RGPD4: variants seen among roughly 807,000 people sequenced by gnomAD.
The protein encoded by RGPD4 is RANBP2 like and GRIP domain containing 4.
In RGPD4, 84 loss-of-function variants were observed where a neutral mutation model predicts 141.1. That is an observed-to-expected ratio of 0.60 (90% CI 0.50 to 0.71). RGPD4 has a LOEUF of 0.71. RGPD4 is among the 30% of genes least tolerant of loss of function. The pLI, the probability that RGPD4 is intolerant of heterozygous loss-of-function variation, is 0.00. For synonymous variants in RGPD4, 298 were observed against 566.8 expected, an observed-to-expected ratio of 0.53 and a Z score of 6.74; for missense variants, 918 against 1,622.4, an observed-to-expected ratio of 0.57 and a Z score of 7.46.
chr2:107,877,097 G>C (rs1332328373), intron 20 of RGPD4, among the ~76,000 whole-genome samples: 1 of 151,868 alleles, frequency 6.6e-6, no homozygotes, highest in Non-Finnish European at 1.5e-5. Flanking sequence ...GTTTAGACCA[G>C]GTGTGGTGTC....
In RGPD4 at chr2:107,845,373, G is replaced by T. The variant is rs1470526662; in HGVS notation, c.782+1643G>T. 8.0e-5 allele frequency among the ~76,000 whole-genome samples: 12 copies of T among 150,062 alleles called. No individual in the cohort carries two copies. The South Asian group carries it at 2.3e-3, about 29-fold the overall frequency. On this transcript the variant is annotated intron_variant, in intron 6 of 22. Coordinates refer to ENST00000408999, the MANE Select transcript of RGPD4 (RefSeq NM_182588.3). ...ATAAGAGCTTATCCTCCTGCCTCAG[G>T]TTGTTCCCCACCAGGAAGCCCCAGG...
At chr2:107,844,823 C>CTTTCTTTTTTTTTTTTTTTTTTT (rs1681859004) in intron 6 of RGPD4, among the ~76,000 whole-genome samples, 1 of 53,854 alleles carries the variant, frequency 1.9e-5, no homozygotes, top group Non-Finnish European at 4.1e-5. Context: ...TTCTTTCTTT[C>CTTTCTTTTTTTTTTTTTTTTTTT]TTTTTTGTTT....
intron 6 of RGPD4, among the ~76,000 whole-genome samples, chr2:107,847,854 A>G (rs954802876): frequency 7.1e-4 from 82 of 115,340 alleles, no homozygotes; most frequent in Non-Finnish European, 8.6e-4. Flanking sequence ...AAGACAATTT[A>G]TTTAATGCTG....
intron 6 of RGPD4, among the ~76,000 whole-genome samples, chr2:107,844,823 C>CTT (rs1681859511): frequency 1.7e-4 from 9 of 53,824 alleles, no homozygotes; most frequent in African/African-American, 4.1e-4. Flanking sequence ...TTCTTTCTTT[C>CTT]TTTTTTGTTT....
chr2:107,861,600 C>T lies in RGPD4; in HGVS notation c.2065C>T (p.His689Tyr). 1 of 1,610,624 alleles carries T rather than the reference C, an allele frequency of 6.2e-7. No individual in the cohort carries two copies. The highest frequency in any genetic ancestry group is 8.5e-7 in the Non-Finnish European group (1 of 1,179,550). ...VSYWNLALIFHRKAEDIANDA... is the reference protein window; with the variant it reads ...VSYWNLALIFYRKAEDIANDA... ...AAAAGCATTATTTGTATAGATTTTT[C>T]ACAGGAAGGCAGAAGACATTGCAAA... The change falls in exon 15 of 23, where the codon CAC becomes TAC. Residue 689 changes from histidine (H) to tyrosine (Y), a missense_variant. Physicochemically the swap from His to Tyr is moderately conservative, Grantham distance 83. Transcript: ENST00000408999.
rs568795577 is a variant in RGPD4 at position 107,836,536 on chromosome 2, T to G, written c.73-66T>G. ...ACATAAACTTAGGGCAGATTTTTAC[T>G]ACTTTTGAAAAAATGTTGGAAAATA... is the stretch of plus-strand genomic sequence containing the variant. On this transcript the variant is annotated intron_variant, in intron 1 of 22. Transcript: ENST00000408999. 49 of 1,380,474 alleles carry G rather than the reference T, an allele frequency of 3.5e-5. No individual in the cohort carries two copies. The African/African-American group carries it at 5.8e-4, about 16-fold the overall frequency. The allele number at this position is 1,380,474 out of a possible 1,614,324, so 85.5% of individuals were successfully genotyped here.
At chr2:107,877,782 C>G (rs1425274087) in intron 20 of RGPD4, among the ~76,000 whole-genome samples, 1 of 151,614 alleles carries the variant, frequency 6.6e-6, no homozygotes, top group African/African-American at 2.4e-5. Flanking sequence ...AAATGACTAA[C>G]GTAGTTAAAA....
intron 22 of RGPD4, among the ~76,000 whole-genome samples, chr2:107,888,914 C>T (rs371284093): frequency 7.1e-6 from 1 of 140,122 alleles, no homozygotes; most frequent in East Asian, 2.0e-4. Flanking sequence ...TGAAATAGAA[C>T]CATTTCTGAT....
intron 20 of RGPD4, among the ~76,000 whole-genome samples, chr2:107,873,595 A>G (rs926733087): frequency 1.5e-5 from 2 of 129,344 alleles, no homozygotes; most frequent in Non-Finnish European, 3.4e-5. Context: ...AAAAAAAAAA[A>G]AAAAATATGA....
At chr2:107,857,289 A>G (rs2104452733) in intron 9 of RGPD4, among the ~76,000 whole-genome samples, 1 of 151,724 alleles carries the variant, frequency 6.6e-6, no homozygotes. Flanking sequence ...AATGCCCACC[A>G]CCATGCCCGG....
intron 9 of RGPD4, among the ~76,000 whole-genome samples, chr2:107,857,848 C>T (rs551359209): frequency 1.6e-3 from 241 of 151,640 alleles, no homozygotes; most frequent in African/African-American, 2.4e-3. Flanking sequence ...AAAAATTATC[C>T]GGGGGTGGTG....
chr2:107,827,586 G>A lies in RGPD4; in HGVS notation c.72+501G>A, dbSNP rs1489041660. On this transcript the variant is annotated intron_variant, in intron 1 of 22. Coordinates refer to ENST00000408999, the MANE Select transcript of RGPD4 (RefSeq NM_182588.3). ...CCCTGGCGCGCTCTGTTGAGGCGGCGGCCTCGACCTGGCCCGGCGGCGGCC... is the reference window on the plus strand; with the variant it reads ...CCCTGGCGCGCTCTGTTGAGGCGGCAGCCTCGACCTGGCCCGGCGGCGGCC... Among the ~76,000 whole-genome samples the A allele has an allele frequency of 2.9e-4, 17 of 58,126 alleles. No homozygotes were observed. In the East Asian group the frequency reaches 5.1e-3, roughly 18 times the overall value. The allele number at this position is 58,126 out of a possible 152,430, so 38.1% of individuals were successfully genotyped here.
intron 7 of RGPD4, among the ~76,000 whole-genome samples, chr2:107,850,579 C>T (rs1377176038): frequency 3.3e-4 from 7 of 21,368 alleles, no homozygotes; most frequent in African/African-American, 1.3e-3. Flanking sequence ...GTGAGGTTCA[C>T]TAGGTAATAC....
chr2:107,840,430 A>G (rs1417373169), intron 4 of RGPD4, among the ~76,000 whole-genome samples: 653 of 151,424 alleles, frequency 4.3e-3, no homozygotes, highest in Non-Finnish European at 8.0e-3. Context: ...CTCCTGCCTC[A>G]GCCTTCCGGG....
chr2:107,854,708 A>T lies in RGPD4; in HGVS notation c.1066+65A>T. The stretch of plus-strand genomic sequence containing the variant: ...AGGAATTTCTGTTAAGGCATATCTT[A>T]TGATAAAATCTCCATCTGTCCAGGA... On this transcript the variant is annotated intron_variant, in intron 8 of 22. Transcript: ENST00000408999. The T allele has an allele frequency of 1.9e-6, 3 of 1,572,788 alleles. No individual in the cohort carries two copies. The South Asian group carries it at 3.5e-5, about 18-fold the overall frequency.
At chr2:107,829,779 G>T (rs531443434) in intron 1 of RGPD4, among the ~76,000 whole-genome samples, 2 of 152,080 alleles carry the variant, frequency 1.3e-5, no homozygotes, top group East Asian at 3.9e-4. Context: ...TCGCTCCTGG[G>T]CCCGTCCTGG....
rs571406017 is a variant in RGPD4, at chr2:107,879,839, T to A, written c.4925-129T>A. ...TGTTGATTGAGGTATGCCGAATAGA[T>A]GAATGGCAAAGAAAGCAGACCTATA... On this transcript the variant is annotated intron_variant, in intron 20 of 22. Coordinates refer to ENST00000408999, the MANE Select transcript of RGPD4 (RefSeq NM_182588.3). 9.1e-6 allele frequency: 11 copies of A among 1,209,978 alleles called. No individual in the cohort carries two copies. In the South Asian group the frequency reaches 9.6e-5, roughly 11 times the overall value. 75.0% of individuals were successfully genotyped at this position (1,209,978 alleles called of 1,614,324 possible). A position where few individuals can be genotyped will look rare whatever the true frequency, so the allele number is the denominator to read the frequency against.
At chr2:107,882,650 T>A (rs575486962) in intron 21 of RGPD4, 22 bp from the exon 22 acceptor site, 18 of 1,604,962 alleles carry the variant, frequency 1.1e-5, no homozygotes, top group Middle Eastern at 2.3e-4. Context: ...AGCCCATTTT[T>A]AACTCATTTC....
chr2:107,851,135 T>C (rs372026658), intron 7 of RGPD4, among the ~76,000 whole-genome samples: 1 of 58,056 alleles, frequency 1.7e-5, no homozygotes, highest in East Asian at 2.7e-4. Context: ...TGATATGTAG[T>C]TTTGGGAGGT....
Sources: allele counts gnomAD v4.1 joint callset (sites outside exome capture counted in the v4.1 genomes callset), GRCh38; gene constraint gnomAD v4.1.1; transcripts MANE v1.5; gene names NCBI Gene and HGNC (gene_info 2026-07-23, HGNC 2026-07-21).